The following ADGRL3 variants were observed in gnomAD, a reference collection of about 807,000 sequenced individuals.
The protein encoded by ADGRL3 is calcium-independent alpha-latrotoxin receptor 3.
A neutral mutation model predicts 153.5 loss-of-function variants in ADGRL3; 62 were observed. That is an observed-to-expected ratio of 0.40 (90% CI 0.33 to 0.50). The LOEUF is 0.50. Among genes scored for constraint, ADGRL3 ranks in the 20% least tolerant of loss-of-function variants. The probability of loss-of-function intolerance (pLI) is 0.47; values close to 1 mark genes in which losing one functional copy is unlikely to be tolerated. For missense variants in ADGRL3, 1,641 were observed against 1,859.4 expected, an observed-to-expected ratio of 0.88 and a Z score of 2.16; for synonymous variants, 710 against 672.5, an observed-to-expected ratio of 1.06 and a Z score of -0.86.
At chr4:61,694,454 C>T (rs573019339) in intron 6 of ADGRL3, among the ~76,000 whole-genome samples, 1 of 152,174 alleles carries the variant, frequency 6.6e-6, no homozygotes, top group African/African-American at 2.4e-5. Context: ...GTTATGTTTA[C>T]ATTATGCTAT....
At chr4:61,667,283 A>T (rs754113632) in intron 5 of ADGRL3, among the ~76,000 whole-genome samples, 5 of 152,164 alleles carry the variant, frequency 3.3e-5, no homozygotes, top group Non-Finnish European at 7.4e-5. Context: ...AGTCAATTTT[A>T]TATATTCCTA....
chr4:61,447,337 G>A (rs1057408374), intron 2 of ADGRL3, among the ~76,000 whole-genome samples: 1 of 152,118 alleles, frequency 6.6e-6, no homozygotes, highest in Non-Finnish European at 1.5e-5. Context: ...AGTGTGGCCT[G>A]TATTGCCACT....
At chr4:61,500,905 C>T (rs72636180) in intron 3 of ADGRL3, among the ~76,000 whole-genome samples, 3,746 of 152,270 alleles carry the variant, frequency 0.025, 58 homozygotes, top group Non-Finnish European at 0.034. Context: ...AATTTAAAAT[C>T]AAGGACTTGG....
At chr4:61,263,787 A>G (rs1310053187) in intron 1 of ADGRL3, among the ~76,000 whole-genome samples, 2 of 152,050 alleles carry the variant, frequency 1.3e-5, no homozygotes, top group African/African-American at 2.4e-5. Context: ...AACAGTAAGC[A>G]ACACCCATAC....
In ADGRL3 at chr4:61,295,389, A is replaced by C. The variant is rs144858276; in HGVS notation, c.-239-87735A>C. Among the ~76,000 whole-genome samples the C allele has an allele frequency of 1.8e-3, 278 of 152,182 alleles. 2 individuals are homozygous for C. Among genetic ancestry groups the C allele is most frequent in the Middle Eastern group, 6.8e-3 (2 of 294 alleles). ...ATCATAGGTATATATGTATAGGAGA[A>C]ACACCATGGTATATATAGGATTCAA... On this transcript the variant is annotated intron_variant, in intron 1 of 26. Transcript: ENST00000683033.
intron 9 of ADGRL3, among the ~76,000 whole-genome samples, chr4:61,854,931 G>C (rs780554717): frequency 6.6e-6 from 1 of 152,100 alleles, no homozygotes; most frequent in Non-Finnish European, 1.5e-5. Context: ...GACAAACACA[G>C]ATTTAAGGAC....
intron 2 of ADGRL3, among the ~76,000 whole-genome samples, chr4:61,454,107 A>G (rs1301671053): frequency 6.6e-6 from 1 of 152,092 alleles, no homozygotes; most frequent in Non-Finnish European, 1.5e-5. Flanking sequence ...ATTCCATATA[A>G]AGGGCTCAGC....
At chr4:61,291,350 A>G (rs1432722773) in intron 1 of ADGRL3, among the ~76,000 whole-genome samples, 1 of 151,872 alleles carries the variant, frequency 6.6e-6, no homozygotes, top group Non-Finnish European at 1.5e-5. Context: ...ATAAAACAAT[A>G]CAGTGTAACA....
intron 1 of ADGRL3, among the ~76,000 whole-genome samples, chr4:61,324,000 G>A (rs1038512762): frequency 6.6e-6 from 1 of 152,162 alleles, no homozygotes; most frequent in Non-Finnish European, 1.5e-5. Context: ...TAATCATGGT[G>A]GAAGGTAAGG....
rs191018307 is a variant in ADGRL3 at position 62,070,777 on chromosome 4, G to A, written c.4501G>A (p.Val1501Ile). ...GCCAAACCTAGGCTCCAGAAACCAC[G>A]TCCATCAGCTGCATACTTACTACCA... ...SMPNLGSRNH[V>I]HQLHTYYQLG... Residue 1501 changes from valine to isoleucine, a missense_variant, in exon 27 of 27, where the codon GTC becomes ATC. Transcript: ENST00000683033. 5 of 1,551,614 alleles carry A rather than the reference G, an allele frequency of 3.2e-6. No homozygotes were observed. The highest frequency in any genetic ancestry group is 3.9e-5 in the Admixed American group (2 of 50,986).
intron 1 of ADGRL3, among the ~76,000 whole-genome samples, chr4:61,375,345 G>A (rs2096590919): frequency 6.6e-6 from 1 of 152,092 alleles, no homozygotes; most frequent in Non-Finnish European, 1.5e-5. Flanking sequence ...ATAAATAAAT[G>A]TTTAAAGAAA....
intron 2 of ADGRL3, among the ~76,000 whole-genome samples, chr4:61,422,263 T>C (rs1474425509): frequency 6.6e-6 from 1 of 152,206 alleles, no homozygotes; most frequent in Non-Finnish European, 1.5e-5. Flanking sequence ...ATTTTCAATG[T>C]ATCAACTTCA....
At chr4:61,415,357 T>A (rs759609680) in intron 2 of ADGRL3, among the ~76,000 whole-genome samples, 2 of 152,060 alleles carry the variant, frequency 1.3e-5, no homozygotes, top group African/African-American at 2.4e-5. Context: ...TTTAGGAGGA[T>A]TTGTTTTCAC....
At chr4:61,630,038 A>G (rs902544807) in intron 5 of ADGRL3, among the ~76,000 whole-genome samples, 7 of 152,050 alleles carry the variant, frequency 4.6e-5, no homozygotes, top group Admixed American at 1.3e-4. Context: ...CTCTTCATCT[A>G]TGTATTTTGC....
intron 4 of ADGRL3, 112 bp from the exon 5 acceptor site, chr4:61,587,115 T>A: frequency 1.8e-6 from 1 of 542,920 alleles, no homozygotes; most frequent in Non-Finnish European, 3.2e-6. Flanking sequence ...GAATCTTAAC[T>A]GCTTTATATC....
chr4:62,040,072 C>G (rs1022119185), intron 24 of ADGRL3, among the ~76,000 whole-genome samples: 8 of 152,008 alleles, frequency 5.3e-5, no homozygotes, highest in Non-Finnish European at 8.8e-5. Context: ...TGCCACGTAC[C>G]AGCTATGACA....
At chr4:61,384,143 A>G (rs1228270740) in intron 2 of ADGRL3, among the ~76,000 whole-genome samples, 1 of 151,860 alleles carries the variant, frequency 6.6e-6, no homozygotes, top group Non-Finnish European at 1.5e-5. Flanking sequence ...CTATAAAAAT[A>G]TTGCACTTGC....
At chr4:61,655,765 G>A (rs1443317849) in intron 5 of ADGRL3, among the ~76,000 whole-genome samples, 1 of 152,164 alleles carries the variant, frequency 6.6e-6, no homozygotes, top group Non-Finnish European at 1.5e-5. Flanking sequence ...ACTTTCACAT[G>A]AATGAAGTTC....
intron 2 of ADGRL3, among the ~76,000 whole-genome samples, chr4:61,444,529 T>A (rs1380711602): frequency 6.6e-6 from 1 of 152,096 alleles, no homozygotes; most frequent in African/African-American, 2.4e-5. Flanking sequence ...CCAAAACCAC[T>A]TTGTGGTCAA....
Sources: allele counts gnomAD v4.1 joint callset (sites outside exome capture counted in the v4.1 genomes callset), GRCh38; gene constraint gnomAD v4.1.1; transcripts MANE v1.5; gene names NCBI Gene and HGNC (gene_info 2026-07-23, HGNC 2026-07-21).